TACC1: variants seen among roughly 807,000 people sequenced by gnomAD.
TACC1 encodes the protein transforming acidic coiled-coil containing protein 1, also known as transforming acidic coiled-coil-containing protein 1.
A neutral mutation model predicts 84.4 loss-of-function variants in TACC1; 48 were observed. The ratio of observed to expected loss-of-function variants is 0.57; its 90% CI spans 0.45 to 0.72. The LOEUF is 0.72. Ranked by LOEUF, TACC1 falls within the 30% of genes least tolerant of loss-of-function variation. The pLI is 0.00. For synonymous variants in TACC1, 372 were observed against 376.3 expected (o/e 0.99, Z 0.13); for missense variants, 920 against 973.0 (o/e 0.95, Z 0.72).
At chr8:38,813,432 A>G (rs1019679718) in intron 2 of TACC1, among the ~76,000 whole-genome samples, 7 of 152,242 alleles carry the variant, frequency 4.6e-5, no homozygotes, top group African/African-American at 1.4e-4. Flanking sequence ...TCAATAAGAT[A>G]GTCCCGGTGA....
chr8:38,831,206 G>A (rs753035062), intron 6 of TACC1, 29 bp downstream of exon 6: 9 of 1,612,880 alleles, frequency 5.6e-6, no homozygotes, highest in Non-Finnish European at 7.6e-6. Context: ...AGGGCCGGGT[G>A]GACTCAGGTT....
chr8:38,849,215 G>A lies in TACC1; in HGVS notation c.*1192G>A, dbSNP rs533493880. On this transcript the variant is annotated 3_prime_UTR_variant, in exon 13 of 13. Transcript: ENST00000317827. ...GTCACATGAACCACTCCAAAAATCA[G>A]TGCATTTTGCATATTTTTAAACAAA... is the stretch of plus-strand genomic sequence containing the variant. 2.6e-4 allele frequency: 39 copies of A among 152,284 alleles called. No homozygotes were observed. Among genetic ancestry groups the A allele is most frequent in the African/African-American group, 8.2e-4 (34 of 41,558 alleles). 9.4% of individuals were successfully genotyped at this position (152,284 alleles called of 1,614,324 possible). A position where few individuals can be genotyped will look rare whatever the true frequency, so the allele number is the denominator to read the frequency against.
At chr8:38,738,171 C>T (rs534430276) in intron 1 of TACC1, among the ~76,000 whole-genome samples, 2 of 152,082 alleles carry the variant, frequency 1.3e-5, no homozygotes, top group East Asian at 3.9e-4. Context: ...GAGGCTGAGG[C>T]AGGAGGAGCC....
At chr8:38,830,094 G>C (rs953556799) in intron 5 of TACC1, among the ~76,000 whole-genome samples, 1 of 152,196 alleles carries the variant, frequency 6.6e-6, no homozygotes, top group African/African-American at 2.4e-5. Context: ...AGGTAGGGAG[G>C]GGGAGGTTGA....
intron 3 of TACC1, among the ~76,000 whole-genome samples, chr8:38,762,502 G>A (rs549027425): frequency 5.9e-5 from 9 of 151,334 alleles, no homozygotes; most frequent in Non-Finnish European, 1.3e-4. Context: ...ACCACATTTT[G>A]TTTATTCATT....
intron 1 of TACC1, among the ~76,000 whole-genome samples, chr8:38,735,722 C>A (rs1805839735): frequency 6.6e-6 from 1 of 152,162 alleles, no homozygotes; most frequent in African/African-American, 2.4e-5. Context: ...CCTCCTCAGA[C>A]CTTTGTAAAT....
Position 38,819,740 on chromosome 8 carries a change from C to G in TACC1, c.496C>G (p.Leu166Val), listed in dbSNP as rs1183638240. ...TKDSTDISAV[L>V]GTKAAHGCVT... Reference sequence around the variant, plus strand: ...GGATTCCACGGATATCTCGGCAGTCCTCGGAACAAAAGCAGCTCATGGCTG... The same window carrying G: ...GGATTCCACGGATATCTCGGCAGTCGTCGGAACAAAAGCAGCTCATGGCTG... The change falls in exon 3 of 13, where the codon CTC (leucine) becomes GTC (valine). Residue 166 changes from leucine to valine, a missense_variant. Transcript: ENST00000317827. 2 of 1,614,048 alleles carry G rather than the reference C, an allele frequency of 1.2e-6. No individual in the cohort carries two copies. The highest frequency in any genetic ancestry group is 2.2e-5 in the South Asian group (2 of 91,076).
intron 2 of TACC1, among the ~76,000 whole-genome samples, chr8:38,818,245 A>G (rs983356574): frequency 1.3e-5 from 2 of 152,178 alleles, no homozygotes; most frequent in Admixed American, 6.5e-5. Context: ...AAAAACAAAA[A>G]TAAAAACTAT....
chr8:38,836,395 T>C lies in TACC1; in HGVS notation c.1839+108T>C. ...GGCTCAAGTTATCACAGGCTGGAAG[T>C]TCTTATTACCTGCAGCTTGTTTAGG... On this transcript the variant is annotated intron_variant, in intron 7 of 12. Transcript: ENST00000317827. 5 of 1,485,036 alleles carry C rather than the reference T, an allele frequency of 3.4e-6. No individual in the cohort carries two copies. In the South Asian group the frequency reaches 6.0e-5, roughly 18 times the overall value. The allele number at this position is 1,485,036 out of a possible 1,614,324, so 92.0% of individuals were successfully genotyped here.
intron 6 of TACC1, among the ~76,000 whole-genome samples, chr8:38,832,422 C>T (rs1829446772): frequency 6.6e-6 from 1 of 152,236 alleles, no homozygotes; most frequent in African/African-American, 2.4e-5. Context: ...CTTTTAAAAG[C>T]AACTCCTTTT....
intron 3 of TACC1, among the ~76,000 whole-genome samples, chr8:38,758,303 C>T (rs953261620): frequency 3.9e-5 from 6 of 152,100 alleles, no homozygotes; most frequent in Non-Finnish European, 7.4e-5. Flanking sequence ...AAATAGCTTT[C>T]GGAATATCCA....
chr8:38,754,183 A>C (rs924290818), intron 3 of TACC1, among the ~76,000 whole-genome samples: 2 of 152,008 alleles, frequency 1.3e-5, no homozygotes, highest in Non-Finnish European at 2.9e-5. Flanking sequence ...CAAACTCCTG[A>C]ACTCAAGTGC....
intron 3 of TACC1, among the ~76,000 whole-genome samples, chr8:38,777,035 C>A (rs1814939319): frequency 6.6e-6 from 1 of 152,014 alleles, no homozygotes; most frequent in African/African-American, 2.4e-5. Context: ...GCAGGCGGAC[C>A]ACCTGAGGTC....
intron 2 of TACC1, among the ~76,000 whole-genome samples, chr8:38,790,821 G>A (rs1456488141): frequency 1.3e-5 from 2 of 152,184 alleles, no homozygotes; most frequent in Non-Finnish European, 2.9e-5. Context: ...ACTTGCCCTA[G>A]GCTGCATTTT....
rs145582616 is a variant in TACC1, at chr8:38,806,847, G to A, written c.278-12675G>A. Among the ~76,000 whole-genome samples the A allele has an allele frequency of 1.8e-3, 275 of 152,218 alleles. 5 individuals are homozygous for A. The highest frequency in any genetic ancestry group is 6.8e-3 in the Middle Eastern group (2 of 294). The stretch of plus-strand genomic sequence containing the variant: ...CTCGAGTTAGCCTCAGACTCCACAG[G>A]CTTAAGGGCTCAATCTCACAAAACT... On this transcript the variant is annotated intron_variant, in intron 2 of 12. Coordinates refer to ENST00000317827, the MANE Select transcript of TACC1 (RefSeq NM_006283.3).
intron 2 of TACC1, among the ~76,000 whole-genome samples, chr8:38,815,441 CAG>C (rs1315567849): frequency 6.6e-6 from 1 of 152,072 alleles, no homozygotes; most frequent in African/African-American, 2.4e-5. Context: ...GTTTTTGAGA[CAG>C]AGTTTCACTC....
intron 3 of TACC1, chr8:38,824,802 A>G (rs1325048638): frequency 1.3e-5 from 2 of 153,738 alleles, no homozygotes; most frequent in Non-Finnish European, 2.9e-5. Context: ...TATACTTTTT[A>G]TTGATGACAG....
intron 7 of TACC1, 96 bp from the exon 8 acceptor site, chr8:38,838,374 C>A (rs1040336933): frequency 5.1e-6 from 4 of 783,368 alleles, no homozygotes; most frequent in South Asian, 4.9e-5. Context: ...ATAGATTGAA[C>A]ATCTTGGGTT....
chr8:38,746,375 TC>T, intron 3 of TACC1, among the ~76,000 whole-genome samples: 1 of 152,330 alleles, frequency 6.6e-6, no homozygotes, highest in East Asian at 1.9e-4. Flanking sequence ...CTTCGTTATG[TC>T]CCTTCTGCTT....
Sources: allele counts gnomAD v4.1 joint callset (sites outside exome capture counted in the v4.1 genomes callset), GRCh38; gene constraint gnomAD v4.1.1; transcripts MANE v1.5; gene names NCBI Gene and HGNC (gene_info 2026-07-23, HGNC 2026-07-21).